The following SIL1 variants were observed in gnomAD, a reference collection of about 807,000 sequenced individuals.
The protein encoded by SIL1 is SIL1 nucleotide exchange factor.
Under a neutral mutation model 49.1 loss-of-function variants are expected in SIL1, and 40 were observed. The ratio of observed to expected loss-of-function variants is 0.81; its 90% CI spans 0.63 to 1.06. The LOEUF is 1.06. Ranked by LOEUF, SIL1 falls within the 50% of genes least tolerant of loss-of-function variation. SIL1 has a pLI of 0.00. For synonymous variants in SIL1, 253 were observed against 250.8 expected (o/e 1.01, Z -0.08); for missense variants, 500 against 572.6 (o/e 0.87, Z 1.29).
chr5:139,021,335 C>G (rs1768522914), intron 6 of SIL1, 43 bp from the exon 7 acceptor site: 2 of 1,611,746 alleles, frequency 1.2e-6, no homozygotes, highest in Non-Finnish European at 1.7e-6. Flanking sequence ...CCATCAGGGA[C>G]AGGAAAGCTG....
intron 2 of SIL1, among the ~76,000 whole-genome samples, chr5:139,124,996 G>A (rs1302066069): frequency 2.0e-5 from 3 of 152,206 alleles, no homozygotes; most frequent in Non-Finnish European, 4.4e-5. Flanking sequence ...TGTGCCCTGA[G>A]AGCTGAGGGA....
At chr5:139,073,244 G>A (rs1041996815) in intron 3 of SIL1, among the ~76,000 whole-genome samples, 7 of 152,164 alleles carry the variant, frequency 4.6e-5, no homozygotes, top group African/African-American at 9.7e-5. Context: ...TCATAGAGAC[G>A]TCTGCACTCC....
chr5:139,013,126 C>T (rs1022620842), intron 7 of SIL1, among the ~76,000 whole-genome samples: 7 of 152,192 alleles, frequency 4.6e-5, no homozygotes, highest in Non-Finnish European at 7.3e-5. Flanking sequence ...CTGGTCTTTG[C>T]TGATTGCAAG....
intron 5 of SIL1, 72 bp from the exon 6 acceptor site, chr5:139,027,064 G>A: frequency 6.9e-7 from 1 of 1,458,278 alleles, no homozygotes; most frequent in East Asian, 2.3e-5. Context: ...GTCTACCATG[G>A]ATGCCCATCC....
intron 1 of SIL1, among the ~76,000 whole-genome samples, chr5:139,153,065 C>A (rs1284821502): frequency 5.9e-5 from 9 of 152,084 alleles, no homozygotes; most frequent in African/African-American, 2.2e-4. Context: ...TGATCCGCCC[C>A]CCTTGGCCTC....
At chr5:139,135,268 T>A (rs1361509545) in intron 1 of SIL1, among the ~76,000 whole-genome samples, 1 of 151,948 alleles carries the variant, frequency 6.6e-6, no homozygotes, top group Non-Finnish European at 1.5e-5. Flanking sequence ...GGATAATATC[T>A]CCCCTATGTT....
chr5:139,005,011 A>C (rs905993512), intron 7 of SIL1, among the ~76,000 whole-genome samples: 1 of 152,192 alleles, frequency 6.6e-6, no homozygotes, highest in Non-Finnish European at 1.5e-5. Context: ...TGTTGGTCAA[A>C]GGATACGAAA....
chr5:138,955,630 GC>G (rs951281019), intron 7 of SIL1, among the ~76,000 whole-genome samples: 34 of 152,346 alleles, frequency 2.2e-4, no homozygotes, highest in African/African-American at 7.2e-4. Context: ...GGAGATTGCT[GC>G]CCAGCACACA....
rs1766688622 is a variant in SIL1 at position 138,948,563 on chromosome 5, A to G, written c.1030-1090T>C. ...CTGTGCGCGGCCTGGACCCACTCAC[A>G]CCCACTCCTGTCACTCTAACTCTCC... On this transcript the variant is annotated intron_variant, in intron 9 of 9. Transcript: ENST00000394817. This position sits in a 1 kb window ranked among gnomAD's most constrained non-coding sequence, Gnocchi z 4.8. 6.6e-6 allele frequency among the ~76,000 whole-genome samples: 1 copy of G among 151,760 alleles called. No individual in the cohort carries two copies. Among genetic ancestry groups the G allele is most frequent in the Non-Finnish European group, 1.5e-5 (1 of 67,962 alleles).
In SIL1 at chr5:138,951,938, T is replaced by C. The variant is rs113486167; in HGVS notation, c.768-54A>G. On this transcript the variant is annotated intron_variant, in intron 7 of 9. Transcript: ENST00000394817. ...TACCCTGCCCAGCCCAGGGATCGGA[T>C]GGTCAGGGAACTGAGCCCATGTCAG... 8 of 1,507,342 alleles carry C rather than the reference T, an allele frequency of 5.3e-6. No homozygotes were observed. The African/African-American group carries it at 6.8e-5, about 13-fold the overall frequency. 93.4% of individuals were successfully genotyped at this position (1,507,342 alleles called of 1,614,324 possible).
chr5:139,152,801 C>G (rs1751332299), intron 1 of SIL1, among the ~76,000 whole-genome samples: 1 of 152,120 alleles, frequency 6.6e-6, no homozygotes, highest in African/African-American at 2.4e-5. Context: ...TCAACATCAG[C>G]AGCTTCATCT....
At chr5:139,133,156 C>T (rs1163789590) in intron 1 of SIL1, among the ~76,000 whole-genome samples, 2 of 152,110 alleles carry the variant, frequency 1.3e-5, no homozygotes, top group African/African-American at 4.8e-5. Flanking sequence ...CATAAAATAC[C>T]ATCACTCTGT....
intron 3 of SIL1, among the ~76,000 whole-genome samples, chr5:139,095,147 T>C (rs1343321270): frequency 6.6e-6 from 1 of 152,206 alleles, no homozygotes; most frequent in Non-Finnish European, 1.5e-5. Context: ...AAAGTGACTA[T>C]TTTTCCTTTT....
intron 1 of SIL1, among the ~76,000 whole-genome samples, chr5:139,185,499 A>T (rs1040538203): frequency 1.3e-5 from 2 of 152,252 alleles, no homozygotes; most frequent in Admixed American, 6.5e-5. Context: ...AATGAGCCAT[A>T]GTAAAATTGG....
chr5:139,115,543 C>T (rs1770967966), intron 3 of SIL1, among the ~76,000 whole-genome samples: 3 of 152,086 alleles, frequency 2.0e-5, no homozygotes, highest in Non-Finnish European at 1.5e-5. Context: ...ATGGCCAATG[C>T]TTTAATCAAT....
intron 9 of SIL1, among the ~76,000 whole-genome samples, chr5:138,950,871 C>G (rs963590775): frequency 1.1e-4 from 16 of 152,212 alleles, no homozygotes; most frequent in African/African-American, 3.4e-4. Context: ...GGGGCCTGGT[C>G]TCGGCTGCTC....
intron 1 of SIL1, among the ~76,000 whole-genome samples, chr5:139,143,941 A>G (rs974321013): frequency 6.6e-6 from 1 of 152,204 alleles, no homozygotes; most frequent in Admixed American, 6.5e-5. Context: ...GAAGATCTCC[A>G]TTTCAATTTT....
chr5:139,005,018 G>A (rs1415450844), intron 7 of SIL1, among the ~76,000 whole-genome samples: 3 of 152,140 alleles, frequency 2.0e-5, no homozygotes, highest in Non-Finnish European at 4.4e-5. Flanking sequence ...CAAAGGATAC[G>A]AAATTTCAGA....
intron 1 of SIL1, among the ~76,000 whole-genome samples, chr5:139,180,790 T>C (rs1751969581): frequency 6.6e-6 from 1 of 152,182 alleles, no homozygotes; most frequent in South Asian, 2.1e-4. Flanking sequence ...ATTCCTGCAG[T>C]GTAGCATGCC....
Sources: gnomAD v4.1 joint callset for allele counts (sites outside exome capture counted in the v4.1 genomes callset) on GRCh38, gnomAD v4.1.1 for gene constraint, Gnocchi (gnomAD v3.1) non-coding constraint, MANE v1.5 for transcripts, NCBI Gene and HGNC (gene_info 2026-07-23, HGNC 2026-07-21) for gene names.